A2ML1: variants seen among roughly 807,000 people sequenced by gnomAD.
A2ML1 encodes the protein alpha-2-macroglobulin-like protein 1.
A neutral mutation model predicts 181.9 loss-of-function variants in A2ML1; 161 were observed. The observed-to-expected ratio is 0.89, with a 90% CI of 0.78 to 1.01. The LOEUF (loss-of-function observed/expected upper bound fraction) is 1.01, where lower values mean the gene tolerates loss of function less well. Ranked by LOEUF, A2ML1 falls within the 50% of genes least tolerant of loss-of-function variation. The pLI is 0.00. For missense variants in A2ML1, 1,670 were observed against 1,768.1 expected, an observed-to-expected ratio of 0.94 and a Z score of 1.00; for synonymous variants, 663 against 666.8, an observed-to-expected ratio of 0.99 and a Z score of 0.09.
At chr12:8,830,679 T>G (rs1943081890) in intron 4 of A2ML1, 1 of 152,216 alleles carries the variant, frequency 6.6e-6, no homozygotes, top group African/African-American at 2.4e-5. Context: ...ACACCCCTGC[T>G]TTCTTCCTCT....
At chr12:8,842,992 G>T (rs559462346) in intron 11 of A2ML1, 142 bp from the exon 12 acceptor site, 203 of 721,394 alleles carry the variant, frequency 2.8e-4, no homozygotes, top group Admixed American at 6.2e-4. Flanking sequence ...TCCTTGGCTG[G>T]ACCGCTAATG....
chr12:8,839,365 A>G lies in A2ML1; in HGVS notation c.1080+143A>G, dbSNP rs148648085. 1.1e-3 allele frequency: 614 copies of G among 555,080 alleles called. 2 individuals carry two copies. The highest frequency in any genetic ancestry group is 0.011 in the African/African-American group (561 of 52,580). 34.4% of individuals were successfully genotyped at this position (555,080 alleles called of 1,614,324 possible). ...TCATTTTAATCTTTAGAATAATGCA[A>G]TGAGGCAGGCACTGTATTGGCCCCA... On this transcript the variant is annotated intron_variant, in intron 10 of 35. Coordinates refer to ENST00000299698, the MANE Select transcript of A2ML1 (RefSeq NM_144670.6).
In A2ML1 at chr12:8,838,386, C is replaced by A. The variant is rs1943356243; in HGVS notation, c.906C>A (p.Asp302Glu). 6 of 1,613,882 alleles carry A rather than the reference C, an allele frequency of 3.7e-6. No individual in the cohort carries two copies. The highest frequency in any genetic ancestry group is 5.1e-6 in the Non-Finnish European group (6 of 1,179,890). The change falls in exon 9 of 36, where the codon GAC becomes GAA. Residue 302 changes from aspartate to glutamate, a missense_variant. Transcript: ENST00000299698. ...FSAPVDMATFDLIGYAYSHQI... is the reference protein window; with the variant it reads ...FSAPVDMATFELIGYAYSHQI... ...CACCTGTGGACATGGCCACCTTTGA[C>A]CTCATTGGATATGCGTACAGCCATC...
At chr12:8,851,690 G>A in intron 18 of A2ML1, 94 bp from the exon 19 acceptor site, 5 of 1,198,110 alleles carry the variant, frequency 4.2e-6, no homozygotes, top group Non-Finnish European at 6.0e-6. Flanking sequence ...ACAAGTGTAA[G>A]CCAGCACACC....
chr12:8,868,414 T>C lies in A2ML1; in HGVS notation c.4061+57T>C. 1.9e-6 allele frequency: 3 copies of C among 1,603,398 alleles called. No individual in the cohort carries two copies. The East Asian group carries it at 6.7e-5, about 36-fold the overall frequency. On this transcript the variant is annotated intron_variant, in intron 31 of 35. Transcript: ENST00000299698. ...GAGCACCTGGTCATAGGAGCTGAGC[T>C]GGGACACTTGTGTGTGTGTGTGTCT...
intron 11 of A2ML1, 150 bp downstream of exon 11, chr12:8,841,686 T>C: frequency 1.4e-6 from 1 of 731,604 alleles, no homozygotes; most frequent in Non-Finnish European, 2.2e-6. Context: ...AAAGTTTTCC[T>C]TAGATGCTTT....
chr12:8,823,880 A>G lies in A2ML1; in HGVS notation c.407A>G (p.Gln136Arg), dbSNP rs759951446. ...TDKPLYTPGQ[Q>R]VYFRIVTMDS... ...AAACCTCTCTACACCCCAGGGCAGC[A>G]AGGTAAGAGTCACATATTTGGGGTT... The change falls in exon 3 of 36, where the codon CAA becomes CGA. Residue 136 changes from glutamine (Q) to arginine (R), a missense_variant and splice_region_variant. Physicochemically the swap from Gln to Arg is conservative, Grantham distance 43 (BLOSUM62 1). Transcript: ENST00000299698. 5 of 1,610,262 alleles carry G rather than the reference A, an allele frequency of 3.1e-6. No individual in the cohort carries two copies. In the African/African-American group the frequency reaches 5.3e-5, roughly 17 times the overall value.
chr12:8,825,252 C>T (rs1025610302), intron 3 of A2ML1, among the ~76,000 whole-genome samples: 1 of 152,234 alleles, frequency 6.6e-6, no homozygotes, highest in Middle Eastern at 3.4e-3. Flanking sequence ...TCCTCACCAG[C>T]ATTTATTATT....
In A2ML1 at chr12:8,867,823, G is replaced by T. The variant is rs751607523; in HGVS notation, c.3718-19G>T. 10 of 1,605,344 alleles carry T rather than the reference G, an allele frequency of 6.2e-6. No individual in the cohort carries two copies. The highest frequency in any genetic ancestry group is 6.8e-6 in the Non-Finnish European group (8 of 1,172,090). On this transcript the variant is annotated intron_variant, in intron 29 of 35. Transcript: ENST00000299698. ...ATGGCTCACAAAATGGTAAGTATAC[G>T]TTTGGTTGTTTCCCTCAGGATACTG...
chr12:8,841,438 A>C lies in A2ML1; in HGVS notation c.1150A>C (p.Asn384His). Residue 384 changes from asparagine (N) to histidine (H), a missense_variant, in exon 11 of 36, where the codon AAT becomes CAT. Coordinates refer to ENST00000299698, the MANE Select transcript of A2ML1 (RefSeq NM_144670.6). Reference protein sequence around the residue: ...HLVFLVIYGTNGTFNQTLVTD... With the variant: ...HLVFLVIYGTHGTFNQTLVTD... ...AGTGTTTCTGGTGATTTATGGCACA[A>C]ATGGAACCTTCAACCAGACCCTGGT... The C allele has an allele frequency of 1.9e-6, 3 of 1,614,126 alleles. No homozygotes were observed. The highest frequency in any genetic ancestry group is 1.3e-5 in the African/African-American group (1 of 75,036).
At position 8,857,974 on chromosome 12, in the gene A2ML1, G is replaced by T; in HGVS notation, c.3136G>T (p.Gly1046Cys). The T allele has an allele frequency of 1.2e-6, 2 of 1,614,048 alleles. No individual in the cohort carries two copies. The highest frequency in any genetic ancestry group is 1.7e-6 in the Non-Finnish European group (2 of 1,180,012). The change falls in exon 26 of 36, where the codon GGC becomes TGC. Residue 1046 changes from glycine to cysteine, a missense_variant. Coordinates refer to ENST00000299698, the MANE Select transcript of A2ML1 (RefSeq NM_144670.6). ...WLTAFVTKCFGQAQKFIFIDP... is the reference protein window; with the variant it reads ...WLTAFVTKCFCQAQKFIFIDP... The stretch of plus-strand genomic sequence containing the variant: ...GACAGCGTTTGTCACAAAATGCTTT[G>T]GCCAAGCTCAGAAATTCATCTTCAT...
chr12:8,852,017 G>A lies in A2ML1; in HGVS notation c.2463+5G>A. 6.2e-7 allele frequency: 1 copy of A among 1,613,506 alleles called. No individual in the cohort carries two copies. Among genetic ancestry groups the A allele is most frequent in the Non-Finnish European group, 8.5e-7 (1 of 1,179,474 alleles). ...TACCTAAAGGATTGCATCAGGGTGA[G>A]AGCTGGGGATACAGGAATCAGGTGT... On this transcript the variant is annotated splice_donor_5th_base_variant and intron_variant, in intron 19 of 35. Coordinates refer to ENST00000299698, the MANE Select transcript of A2ML1 (RefSeq NM_144670.6). This position sits in a 1 kb window ranked among gnomAD's most constrained non-coding sequence, Gnocchi z 4.2.
chr12:8,847,795 A>G (rs968090389), intron 15 of A2ML1, 97 bp downstream of exon 15: 2 of 1,452,054 alleles, frequency 1.4e-6, no homozygotes, highest in African/African-American at 2.8e-5. Context: ...TCTTAGGGAA[A>G]TAATGCACTG....
At chr12:8,832,194 T>C (rs1943139182) in intron 4 of A2ML1, among the ~76,000 whole-genome samples, 1 of 152,108 alleles carries the variant, frequency 6.6e-6, no homozygotes, top group South Asian at 2.1e-4. Flanking sequence ...ATGGCAGAAC[T>C]GGTTGAGCCA....
chr12:8,882,663 C>T (rs1422684664), intron 7 of A2ML1, among the ~76,000 whole-genome samples: 1 of 152,044 alleles, frequency 6.6e-6, no homozygotes, highest in Non-Finnish European at 1.5e-5. Context: ...GATGTACTGC[C>T]AGCTATTTAA....
intron 30 of A2ML1, 67 bp downstream of exon 30, chr12:8,868,124 G>C: frequency 6.2e-7 from 1 of 1,608,204 alleles, no homozygotes; most frequent in Non-Finnish European, 8.5e-7. Flanking sequence ...TTCCCCTTAG[G>C]CCTTCTCTCT....
intron 29 of A2ML1, among the ~76,000 whole-genome samples, chr12:8,866,140 C>T (rs930798988): frequency 3.3e-4 from 50 of 151,746 alleles, no homozygotes; most frequent in African/African-American, 1.2e-3. Context: ...CCCATCTCTA[C>T]TAAAAATACA....
At chr12:8,831,415 G>A (rs1943110215) in intron 4 of A2ML1, among the ~76,000 whole-genome samples, 1 of 152,124 alleles carries the variant, frequency 6.6e-6, no homozygotes, top group Non-Finnish European at 1.5e-5. Flanking sequence ...TTACTTCCAG[G>A]TGTTCTGTTT....
chr12:8,865,314 C>T (rs181565925), intron 29 of A2ML1, among the ~76,000 whole-genome samples: 7,964 of 146,908 alleles, frequency 0.054, 306 homozygotes, highest in Non-Finnish European at 0.079. Flanking sequence ...CCGAGGCAGG[C>T]GGATCACCTG....
Sources: allele counts gnomAD v4.1 joint callset (sites outside exome capture counted in the v4.1 genomes callset), GRCh38; gene constraint gnomAD v4.1.1; non-coding constraint Gnocchi (gnomAD v3.1); transcripts MANE v1.5; gene names NCBI Gene and HGNC (gene_info 2026-07-23, HGNC 2026-07-21).